NSG2: variants seen among roughly 807,000 people sequenced by gnomAD.
The protein encoded by NSG2 is neuronal vesicle trafficking-associated protein 2.
A neutral mutation model predicts 16.9 loss-of-function variants in NSG2; 4 were observed. The observed-to-expected ratio is 0.24, with a 90% CI of 0.12 to 0.54. The LOEUF (loss-of-function observed/expected upper bound fraction) is 0.54, where lower values mean the gene tolerates loss of function less well. Ranked by LOEUF, NSG2 falls within the 20% of genes least tolerant of loss-of-function variation. The pLI is 0.95. For synonymous variants in NSG2, 98 were observed against 88.7 expected (o/e 1.11, Z -0.59); for missense variants, 179 against 221.1 (o/e 0.81, Z 1.21).
At chr5:174,070,442 C>A (rs765576276) in intron 3 of NSG2, among the ~76,000 whole-genome samples, 4 of 152,156 alleles carry the variant, frequency 2.6e-5, no homozygotes, top group Admixed American at 6.6e-5. Context: ...ATTCTCTCTG[C>A]CACAACTTGA....
At chr5:174,101,720 C>A (rs1483272136) in intron 3 of NSG2, among the ~76,000 whole-genome samples, 2 of 152,162 alleles carry the variant, frequency 1.3e-5, no homozygotes, top group Non-Finnish European at 1.5e-5. Context: ...GCTGTTTCTA[C>A]CTTTTGGCTA....
chr5:174,082,607 C>G (rs1243233250), intron 3 of NSG2: 1 of 152,216 alleles, frequency 6.6e-6, no homozygotes, highest in Non-Finnish European at 1.5e-5. Context: ...CACTTCTCTT[C>G]CATGAATTTG....
intron 2 of NSG2, among the ~76,000 whole-genome samples, chr5:174,049,652 A>C (rs1759857891): frequency 1.3e-5 from 2 of 152,086 alleles, no homozygotes; most frequent in African/African-American, 4.8e-5. Context: ...AGAACCTTCT[A>C]CCTCAGCAGG....
intron 3 of NSG2, among the ~76,000 whole-genome samples, chr5:174,094,396 A>C (rs1760764028): frequency 6.6e-6 from 1 of 152,184 alleles, no homozygotes; most frequent in Non-Finnish European, 1.5e-5. Flanking sequence ...TATAGGCACC[A>C]TCTCATTTAA....
chr5:174,088,590 A>T (rs565076523), intron 3 of NSG2, among the ~76,000 whole-genome samples: 2 of 152,206 alleles, frequency 1.3e-5, no homozygotes, highest in Non-Finnish European at 1.5e-5. Flanking sequence ...CATTTGAAAC[A>T]TGGGAACTAT....
intron 3 of NSG2, among the ~76,000 whole-genome samples, chr5:174,068,082 C>T (rs1020667956): frequency 6.6e-6 from 1 of 152,146 alleles, no homozygotes; most frequent in Non-Finnish European, 1.5e-5. Flanking sequence ...GTTACACAGT[C>T]ACTGGGTCAC....
At chr5:174,099,612 T>C (rs192934333) in intron 3 of NSG2, among the ~76,000 whole-genome samples, 5 of 152,260 alleles carry the variant, frequency 3.3e-5, no homozygotes, top group Admixed American at 2.0e-4. Context: ...CTTTGCCCCC[T>C]GCCCAGGCCC....
chr5:174,101,994 T>G (rs1252483235), intron 3 of NSG2, among the ~76,000 whole-genome samples: 1 of 152,218 alleles, frequency 6.6e-6, no homozygotes, highest in Non-Finnish European at 1.5e-5. Flanking sequence ...CATCCCATAC[T>G]GTTATCACTC....
In NSG2 at chr5:174,072,632, C is replaced by A. The variant is rs918361686; in HGVS notation, c.213+8317C>A. Among the ~76,000 whole-genome samples, 1 of 152,222 alleles carries A rather than the reference C, an allele frequency of 6.6e-6. No individual in the cohort carries two copies. The highest frequency in any genetic ancestry group is 2.4e-5 in the African/African-American group (1 of 41,472). On this transcript the variant is annotated intron_variant, in intron 3 of 4. Transcript: ENST00000303177. The surrounding 1 kb of genome is among the most constrained non-coding windows in gnomAD (Gnocchi z 4.0). ...GGACCAGGAGCTCTTGTACCCTTCT[C>A]TGTACCCTAAGAAGCTAGCCAGCAC...
At chr5:174,073,871 C>T (rs1760286872) in intron 3 of NSG2, among the ~76,000 whole-genome samples, 1 of 152,154 alleles carries the variant, frequency 6.6e-6, no homozygotes, top group Non-Finnish European at 1.5e-5. Context: ...TGTTAATAAA[C>T]ATAGTGTAGA....
intron 2 of NSG2, among the ~76,000 whole-genome samples, chr5:174,049,185 A>C (rs1759848134): frequency 6.6e-6 from 1 of 152,140 alleles, no homozygotes; most frequent in South Asian, 2.1e-4. Context: ...TAAAAATACA[A>C]AAAAATTAGC....
rs193260644 is a variant in NSG2 at position 174,105,511 on chromosome 5, C to T, written c.324+1173C>T. Among the ~76,000 whole-genome samples, 155 of 152,332 alleles carry T rather than the reference C, an allele frequency of 1.0e-3. 2 individuals carry two copies. The highest frequency in any genetic ancestry group is 3.4e-3 in the African/African-American group (143 of 41,568). ...TATACATAGAACAGTCACAAAATAG[C>T]ACCAATGTTACTACTAAGAGGTAAT... On this transcript the variant is annotated intron_variant, in intron 4 of 4. Coordinates refer to ENST00000303177, the MANE Select transcript of NSG2 (RefSeq NM_015980.5).
intron 4 of NSG2, among the ~76,000 whole-genome samples, chr5:174,105,132 A>C (rs764190337): frequency 1.3e-5 from 2 of 152,240 alleles, no homozygotes; most frequent in South Asian, 2.1e-4. Context: ...CATTCTGAGA[A>C]ATAGGGTTTC....
At chr5:174,071,815 G>A (rs925104379) in intron 3 of NSG2, among the ~76,000 whole-genome samples, 2 of 152,304 alleles carry the variant, frequency 1.3e-5, no homozygotes, top group African/African-American at 4.8e-5. Flanking sequence ...CCACCTGCCC[G>A]GGTAGACAGG....
chr5:174,100,181 C>T (rs554787680), intron 3 of NSG2, among the ~76,000 whole-genome samples: 25 of 152,316 alleles, frequency 1.6e-4, no homozygotes, highest in Non-Finnish European at 3.2e-4. Context: ...GGGCTGCACC[C>T]GTAGCAACCA....
chr5:174,054,672 C>T (rs975936955), intron 2 of NSG2, among the ~76,000 whole-genome samples: 1 of 152,186 alleles, frequency 6.6e-6, no homozygotes, highest in African/African-American at 2.4e-5. Flanking sequence ...AGCCACTACA[C>T]CTGGCCTCAG....
Position 174,078,355 on chromosome 5 carries a change from T to C in NSG2, c.213+14040T>C, listed in dbSNP as rs917037422. On this transcript the variant is annotated intron_variant, in intron 3 of 4. Transcript: ENST00000303177. The stretch of plus-strand genomic sequence containing the variant: ...TTCATCTTTTCAAATGTAACCATTG[T>C]ATACACATTCTCTTGTACCTTGCTT... 2.0e-5 allele frequency among the ~76,000 whole-genome samples: 3 copies of C among 152,160 alleles called. No homozygotes were observed. In the South Asian group the frequency reaches 6.2e-4, roughly 32 times the overall value.
At chr5:174,055,719 G>A (rs900370568) in intron 2 of NSG2, among the ~76,000 whole-genome samples, 1 of 152,196 alleles carries the variant, frequency 6.6e-6, no homozygotes, top group Admixed American at 6.5e-5. Flanking sequence ...GGCCCAGCAA[G>A]AAAGACAAAG....
At chr5:174,049,015 G>A (rs1055051664) in intron 2 of NSG2, among the ~76,000 whole-genome samples, 1 of 152,092 alleles carries the variant, frequency 6.6e-6, no homozygotes, top group Non-Finnish European at 1.5e-5. Flanking sequence ...AAAGTTAGAT[G>A]TGGCATTATA....
Sources: gnomAD v4.1 joint callset for allele counts (sites outside exome capture counted in the v4.1 genomes callset) on GRCh38, gnomAD v4.1.1 for gene constraint, Gnocchi (gnomAD v3.1) non-coding constraint, MANE v1.5 for transcripts, NCBI Gene and HGNC (gene_info 2026-07-23, HGNC 2026-07-21) for gene names.